SPAG16: variants seen among roughly 807,000 people sequenced by gnomAD.
SPAG16 encodes the protein sperm associated antigen 16.
Under a neutral mutation model 80.4 loss-of-function variants are expected in SPAG16, and 86 were observed. The ratio of observed to expected loss-of-function variants is 1.07; its 90% CI spans 0.90 to 1.28. The LOEUF is 1.28. SPAG16 is among the 50% of genes most tolerant of loss of function. The pLI, the probability that SPAG16 is intolerant of heterozygous loss-of-function variation, is 0.00. For missense variants in SPAG16, 870 were observed against 765.3 expected, an observed-to-expected ratio of 1.14 and a Z score of -1.61; for synonymous variants, 294 against 265.9, an observed-to-expected ratio of 1.11 and a Z score of -1.03.
rs575806886 is a variant in SPAG16, at chr2:214,165,316, G to A, written c.1720+16050G>A. Among the ~76,000 whole-genome samples the A allele has an allele frequency of 2.6e-5, 4 of 151,956 alleles. No individual in the cohort carries two copies. In the East Asian group the frequency reaches 5.8e-4, roughly 22 times the overall value. On this transcript the variant is annotated intron_variant, in intron 15 of 15. Transcript: ENST00000331683. ...TAGTGTTTAGAAACCTCATCTCAAC[G>A]TAGGGGGCTTCTTAGTAATAATACA... is the stretch of plus-strand genomic sequence containing the variant.
intron 10 of SPAG16, among the ~76,000 whole-genome samples, chr2:213,817,214 ATATATATATATATATGCT>A (rs1424818129): frequency 1.4e-5 from 1 of 70,110 alleles, no homozygotes; most frequent in Non-Finnish European, 3.0e-5. Context: ...CAAAGCATGC[ATATATATATATATATGCT>A]TATATATATA....
At chr2:214,191,258 T>C (rs2057653782) in intron 15 of SPAG16, among the ~76,000 whole-genome samples, 1 of 152,152 alleles carries the variant, frequency 6.6e-6, no homozygotes, top group Non-Finnish European at 1.5e-5. Context: ...ATAATGCTTA[T>C]CAGAACTCTC....
At chr2:213,325,859 A>G (rs931846460) in intron 5 of SPAG16, among the ~76,000 whole-genome samples, 1 of 152,080 alleles carries the variant, frequency 6.6e-6, no homozygotes, top group South Asian at 2.1e-4. Flanking sequence ...TGTGTTCACT[A>G]TACCCACGGG....
At chr2:213,573,242 C>T (rs564819533) in intron 10 of SPAG16, among the ~76,000 whole-genome samples, 4 of 152,308 alleles carry the variant, frequency 2.6e-5, no homozygotes, top group Admixed American at 6.5e-5. Context: ...TGTTCCTATT[C>T]GGCCATCTTG....
chr2:213,338,628 A>T (rs1031643972), intron 5 of SPAG16, among the ~76,000 whole-genome samples: 1 of 152,232 alleles, frequency 6.6e-6, no homozygotes, highest in Admixed American at 6.5e-5. Context: ...CCCATCAATG[A>T]TAGACTGGAT....
rs374274176 is a variant in SPAG16, at chr2:213,980,725, T to TATATATATATATAGAGAGAG, written c.1401-33225_1401-33224insTATATATATATAGAGAGAGA. Among the ~76,000 whole-genome samples, 240 of 103,918 alleles carry TATATATATATATAGAGAGAG rather than the reference T, an allele frequency of 2.3e-3. 4 individuals are homozygous for TATATATATATATAGAGAGAG. The highest frequency in any genetic ancestry group is 3.0e-3 in the African/African-American group (60 of 20,068). The allele number at this position is 103,918 out of a possible 152,430, so 68.2% of individuals were successfully genotyped here. A position where few individuals can be genotyped will look rare whatever the true frequency, so the allele number is the denominator to read the frequency against. On this transcript the variant is annotated intron_variant, in intron 12 of 15. Transcript: ENST00000331683. ...GTGTGTGTGTGTGTATATATATATATAGAGAGAGAGAGAGAGAGAGAGAGA... is the reference window on the plus strand; with the variant it reads ...GTGTGTGTGTGTGTATATATATATATATATATATATATAGAGAGAGAGAGAGAGAGAGAGAGAGAGAGAGA...
At chr2:214,018,583 C>A (rs1187425819) in intron 13 of SPAG16, among the ~76,000 whole-genome samples, 2 of 152,040 alleles carry the variant, frequency 1.3e-5, no homozygotes, top group East Asian at 1.9e-4. Flanking sequence ...TGGCATGCTT[C>A]TTCTTTATAA....
chr2:213,673,447 A>G (rs2063903125), intron 10 of SPAG16, among the ~76,000 whole-genome samples: 1 of 152,218 alleles, frequency 6.6e-6, no homozygotes, highest in African/African-American at 2.4e-5. Flanking sequence ...AATAGAGTGG[A>G]AAGATTCAAC....
intron 11 of SPAG16, among the ~76,000 whole-genome samples, chr2:213,924,199 C>T (rs560081619): frequency 3.3e-5 from 5 of 152,276 alleles, no homozygotes; most frequent in Admixed American, 3.3e-4. Context: ...CTGGTCTGCT[C>T]TGGGGTTAAA....
In SPAG16 at chr2:213,930,142, A is replaced by G. The variant is rs188930837; in HGVS notation, c.1397A>G (p.Asn466Ser). ...AAAACTAGCAAAATTTGGGATGTTA[A>G]TAGGTAAGAAGTACTTTAAACATTA... Reference protein sequence around the residue: ...LDKTSKIWDVNSERCRCTLYG... With the variant: ...LDKTSKIWDVSSERCRCTLYG... The change falls in exon 12 of 16, where the codon AAT becomes AGT. Residue 466 changes from asparagine to serine, a missense_variant. Asn to Ser is a conservative substitution (Grantham distance 46). Transcript: ENST00000331683. The G allele has an allele frequency of 7.1e-5, 115 of 1,613,258 alleles. 1 individual carries two copies. The East Asian group carries it at 1.2e-3, about 17-fold the overall frequency.
At chr2:213,588,694 C>G (rs368870604) in intron 10 of SPAG16, among the ~76,000 whole-genome samples, 1 of 150,146 alleles carries the variant, frequency 6.7e-6, no homozygotes, top group African/African-American at 2.4e-5. Flanking sequence ...CCCAGCTACT[C>G]GGGAGGCTGA....
intron 10 of SPAG16, among the ~76,000 whole-genome samples, chr2:213,515,207 G>C (rs1039806584): frequency 2.0e-5 from 3 of 152,008 alleles, no homozygotes; most frequent in African/African-American, 7.3e-5. Context: ...TCAATTTAAA[G>C]GTTACTTAAA....
At chr2:213,446,335 A>C (rs2071308570) in intron 9 of SPAG16, among the ~76,000 whole-genome samples, 1 of 152,220 alleles carries the variant, frequency 6.6e-6, no homozygotes, top group Non-Finnish European at 1.5e-5. Context: ...AACCCAATCC[A>C]AGCAAAATAG....
intron 15 of SPAG16, among the ~76,000 whole-genome samples, chr2:214,197,473 AATGGACT>A (rs1430644689): frequency 6.6e-6 from 1 of 150,842 alleles, no homozygotes; most frequent in Non-Finnish European, 1.5e-5. Context: ...GACTATGTAT[AATGGACT>A]ATGAATGGAC....
chr2:214,159,145 T>C (rs1559092880), intron 15 of SPAG16, among the ~76,000 whole-genome samples: 1 of 152,002 alleles, frequency 6.6e-6, no homozygotes, highest in Non-Finnish European at 1.5e-5. Flanking sequence ...ATGTATAGGC[T>C]GGCATAGGTC....
chr2:213,441,336 T>C (rs1346469907), intron 9 of SPAG16, among the ~76,000 whole-genome samples: 1 of 152,190 alleles, frequency 6.6e-6, no homozygotes, highest in East Asian at 1.9e-4. Context: ...CACTGTAATA[T>C]GGAGCAAAAT....
At position 213,599,306 on chromosome 2, in the gene SPAG16, A is replaced by G. The variant is rs187515103; in HGVS notation, c.1070+109216A>G. On this transcript the variant is annotated intron_variant, in intron 10 of 15. Coordinates refer to ENST00000331683, the MANE Select transcript of SPAG16 (RefSeq NM_024532.5). ...GAACTACAAATTACTTACAATTCCA[A>G]ACTATTCCCAAGCTCAACTGACATA... 3.1e-4 allele frequency among the ~76,000 whole-genome samples: 47 copies of G among 152,256 alleles called. No individual in the cohort carries two copies. In the East Asian group the frequency reaches 6.9e-3, roughly 23 times the overall value.
intron 15 of SPAG16, among the ~76,000 whole-genome samples, chr2:214,159,566 G>C (rs1172000600): frequency 6.6e-6 from 1 of 151,982 alleles, no homozygotes; most frequent in Non-Finnish European, 1.5e-5. Flanking sequence ...AGCCTGCACA[G>C]TTGGCACTTG....
intron 15 of SPAG16, among the ~76,000 whole-genome samples, chr2:214,166,678 CTT>C (rs1387294754): frequency 6.6e-6 from 1 of 152,134 alleles, no homozygotes; most frequent in Non-Finnish European, 1.5e-5. Flanking sequence ...AGAGTGGGCT[CTT>C]TGTTTCCTGG....
Sources: allele counts gnomAD v4.1 joint callset (sites outside exome capture counted in the v4.1 genomes callset), GRCh38; gene constraint gnomAD v4.1.1; transcripts MANE v1.5; gene names NCBI Gene and HGNC (gene_info 2026-07-23, HGNC 2026-07-21).